Variants in FAR1 observed in about 807,000 individuals in gnomAD.
FAR1 encodes fatty acyl-CoA reductase 1.
Under a neutral mutation model 61.1 loss-of-function variants are expected in FAR1, and 22 were observed. The observed-to-expected ratio is 0.36, with a 90% confidence interval of 0.26 to 0.51. The LOEUF is 0.51. Ranked by LOEUF, FAR1 falls within the 20% of genes least tolerant of loss-of-function variation. The pLI, the probability that FAR1 is intolerant of heterozygous loss-of-function variation, is 0.95. For synonymous variants in FAR1, 206 were observed against 209.7 expected (o/e 0.98, Z 0.15); for missense variants, 359 against 626.9 (o/e 0.57, Z 4.56).
intron 3 of FAR1, among the ~76,000 whole-genome samples, chr11:13,703,940 A>G (rs369780051): frequency 1.5e-3 from 224 of 149,542 alleles, no homozygotes; most frequent in African/African-American, 5.3e-3. Context: ...GCTGCTTGGG[A>G]GGTTGAGGCA....
intron 3 of FAR1, among the ~76,000 whole-genome samples, chr11:13,707,309 A>T (rs1010077652): frequency 6.6e-6 from 1 of 152,174 alleles, no homozygotes; most frequent in Non-Finnish European, 1.5e-5. Context: ...CTTGTAACAG[A>T]TGTACCAGTT....
At chr11:13,684,535 C>T (rs1848165410) in intron 1 of FAR1, among the ~76,000 whole-genome samples, 2 of 152,106 alleles carry the variant, frequency 1.3e-5, no homozygotes, top group African/African-American at 4.8e-5. Flanking sequence ...AAAGAAACTG[C>T]AGACCCAAAC....
chr11:13,680,844 A>G (rs1848119558), intron 1 of FAR1, among the ~76,000 whole-genome samples: 1 of 152,196 alleles, frequency 6.6e-6, no homozygotes, highest in Non-Finnish European at 1.5e-5. Context: ...TATGTAAACC[A>G]TAGCAGTCTT....
At chr11:13,725,145 C>G (rs921298024) in intron 10 of FAR1, among the ~76,000 whole-genome samples, 7 of 152,104 alleles carry the variant, frequency 4.6e-5, no homozygotes, top group African/African-American at 1.7e-4. Context: ...GAATAATTAT[C>G]CTATGAACAT....
intron 1 of FAR1, among the ~76,000 whole-genome samples, chr11:13,672,134 G>A (rs1848011749): frequency 6.6e-6 from 1 of 152,050 alleles, no homozygotes; most frequent in Non-Finnish European, 1.5e-5. Flanking sequence ...ATTAATGTTT[G>A]GGCTGGTAGT....
At chr11:13,688,250 TTC>T (rs201417969) in intron 1 of FAR1, among the ~76,000 whole-genome samples, 44 of 111,990 alleles carry the variant, frequency 3.9e-4, no homozygotes, top group African/African-American at 1.2e-3. Context: ...TTGTTTTTTT[TTC>T]CCCTAGGAGG....
rs376260899 is a variant in FAR1, at chr11:13,668,733, A to G, written c.-81A>G. 84 of 156,924 alleles carry G rather than the reference A, an allele frequency of 5.4e-4. 3 individuals carry two copies. In the South Asian group the frequency reaches 0.013, roughly 25 times the overall value. 9.7% of individuals were successfully genotyped at this position (156,924 alleles called of 1,614,324 possible). ...TGGAAAAGCGAGTGAAGAGAGCGCG[A>G]CGGCGGCGGCGGCGGCGGCGCAGCT... On this transcript the variant is annotated 5_prime_UTR_variant, in exon 1 of 12. Transcript: ENST00000354817.
At chr11:13,699,195 G>T (rs987071448) in intron 2 of FAR1, among the ~76,000 whole-genome samples, 11 of 152,066 alleles carry the variant, frequency 7.2e-5, no homozygotes, top group Admixed American at 6.5e-4. Flanking sequence ...TGGGTTAGTT[G>T]TTTCTCCTAT....
chr11:13,691,450 A>C (rs1565342550), intron 1 of FAR1, among the ~76,000 whole-genome samples: 1 of 152,224 alleles, frequency 6.6e-6, no homozygotes. Flanking sequence ...AGTGTTGTGC[A>C]ACTGCCACCT....
Position 13,730,703 on chromosome 11 carries a change from G to A in FAR1, c.*1929G>A, listed in dbSNP as rs1288918899. On this transcript the variant is annotated 3_prime_UTR_variant, in exon 12 of 12. Transcript: ENST00000354817. ...AAAAGAGTTGGGGACAACTTGGGCA[G>A]GCCTATGAAGTGCATAGGGAGTGTA... The A allele has an allele frequency of 2.0e-5, 3 of 152,054 alleles. No individual in the cohort carries two copies. The highest frequency in any genetic ancestry group is 4.4e-5 in the Non-Finnish European group (3 of 67,976). The allele number at this position is 152,054 out of a possible 1,614,324, so 9.4% of individuals were successfully genotyped here.
Position 13,728,662 on chromosome 11 carries a change from G to A in FAR1, c.1436G>A (p.Trp479Ter). 6.2e-7 allele frequency: 1 copy of A among 1,612,232 alleles called. No homozygotes were observed. The highest frequency in any genetic ancestry group is 1.1e-5 in the South Asian group (1 of 91,034). ...AATACTATCCTTGTGATCCTCATCT[G>A]GCGCATTTTTATTGCAAGATCACAA... Reference protein sequence around the residue: ...GFNTILVILIWRIFIARSQMA... With the variant: ...GFNTILVILI Residue 479 changes from tryptophan to a stop codon, truncating the protein, a stop_gained, in exon 12 of 12, where the codon TGG becomes TAG. Coordinates refer to ENST00000354817, the MANE Select transcript of FAR1 (RefSeq NM_032228.6). LOFTEE classifies it high-confidence loss of function.
chr11:13,704,233 G>A (rs1848409967), intron 3 of FAR1, among the ~76,000 whole-genome samples: 2 of 152,062 alleles, frequency 1.3e-5, no homozygotes, highest in African/African-American at 4.8e-5. Flanking sequence ...ACTGGAGAAT[G>A]TGAGGACAAA....
At chr11:13,668,954 C>T (rs1172812943) in intron 1 of FAR1, 148 bp downstream of exon 1, 1 of 152,442 alleles carries the variant, frequency 6.6e-6, no homozygotes, top group Non-Finnish European at 1.5e-5. Flanking sequence ...CCCGGGTACG[C>T]CCAGAAGTGA....
chr11:13,670,494 A>T (rs1052362242), intron 1 of FAR1, among the ~76,000 whole-genome samples: 4 of 151,870 alleles, frequency 2.6e-5, no homozygotes, highest in Admixed American at 1.3e-4. Context: ...GTTTCACCAT[A>T]TTGGCCAGGC....
intron 4 of FAR1, 106 bp downstream of exon 4, chr11:13,708,185 A>T: frequency 1.4e-6 from 1 of 694,956 alleles, no homozygotes; most frequent in Non-Finnish European, 2.2e-6. Context: ...AACATAGTGA[A>T]ACCCCATCTC....
chr11:13,689,681 T>C (rs1404107674), intron 1 of FAR1, among the ~76,000 whole-genome samples: 2 of 152,164 alleles, frequency 1.3e-5, no homozygotes, highest in South Asian at 2.1e-4. Flanking sequence ...TCCTATGATA[T>C]GTGAATGTTC....
At chr11:13,706,684 A>G (rs1289212528) in intron 3 of FAR1, among the ~76,000 whole-genome samples, 4 of 152,148 alleles carry the variant, frequency 2.6e-5, no homozygotes, top group Non-Finnish European at 4.4e-5. Context: ...GATATTAACT[A>G]TAGTCTATGT....
At chr11:13,701,294 A>G (rs1295297479) in intron 3 of FAR1, among the ~76,000 whole-genome samples, 2 of 152,148 alleles carry the variant, frequency 1.3e-5, no homozygotes, top group Non-Finnish European at 1.5e-5. Flanking sequence ...ATGCTCTAAC[A>G]AAGAAATGAT....
At chr11:13,693,577 CT>C (rs76162872) in intron 1 of FAR1, among the ~76,000 whole-genome samples, 35,307 of 152,072 alleles carry the variant, frequency 0.23, 4,384 homozygotes, top group Middle Eastern at 0.36. Flanking sequence ...TGTGAGCAAT[CT>C]TTTAATTATC....
Sources: allele counts gnomAD v4.1 joint callset (sites outside exome capture counted in the v4.1 genomes callset), GRCh38; gene constraint gnomAD v4.1.1; transcripts MANE v1.5; gene names NCBI Gene and HGNC (gene_info 2026-07-23, HGNC 2026-07-21).